Variants in C9orf85 observed in about 807,000 individuals in gnomAD.
The protein encoded by C9orf85 is uncharacterized protein C9orf85.
Under a neutral mutation model 14.9 loss-of-function variants are expected in C9orf85, and 16 were observed. That is an observed-to-expected ratio of 1.08 (90% confidence interval 0.73 to 1.63). The LOEUF (loss-of-function observed/expected upper bound fraction) is 1.63, where lower values mean the gene tolerates loss of function less well. Among genes scored for constraint, C9orf85 ranks in the 40% most tolerant of loss-of-function variants. C9orf85 has a pLI of 0.00. For synonymous variants in C9orf85, 45 were observed against 56.8 expected, an observed-to-expected ratio of 0.79 and a Z score of 0.93; for missense variants, 172 against 186.1, an observed-to-expected ratio of 0.92 and a Z score of 0.44.
downstream of C9orf85, chr9:71,985,066 G>A (rs1032534828): frequency 1.4e-4 from 22 of 152,210 alleles, no homozygotes; most frequent in African/African-American, 5.1e-4. Flanking sequence ...TCAAGTACTG[G>A]TCCTCGTGTA....
intron 1 of C9orf85, among the ~76,000 whole-genome samples, chr9:71,926,574 A>G (rs1827933601): frequency 6.6e-6 from 1 of 151,878 alleles, no homozygotes; most frequent in African/African-American, 2.4e-5. Flanking sequence ...AGTATCCTAA[A>G]TTATATCCTT....
intron 3 of C9orf85, among the ~76,000 whole-genome samples, chr9:71,980,068 C>T (rs1258704437): frequency 1.4e-5 from 2 of 146,356 alleles, no homozygotes; most frequent in Non-Finnish European, 3.0e-5. Flanking sequence ...GGCTAGAGTG[C>T]AGTGGCACAA....
In C9orf85 at chr9:71,973,179, G is replaced by A. The variant is rs80083119; in HGVS notation, c.*337G>A. On this transcript the variant is annotated 3_prime_UTR_variant, in exon 4 of 4. Coordinates refer to ENST00000334731, the MANE Select transcript of C9orf85 (RefSeq NM_182505.5). ...AAAATAAAAAGTCAATTTAGAATGT[G>A]AAATTCTGACCACCTTTTGGCTTTG... 1,425 of 153,598 alleles carry A rather than the reference G, an allele frequency of 9.3e-3. 23 individuals carry two copies. The highest frequency in any genetic ancestry group is 0.032 in the African/African-American group (1,348 of 41,584). 9.5% of individuals were successfully genotyped at this position (153,598 alleles called of 1,614,324 possible).
intron 1 of C9orf85, among the ~76,000 whole-genome samples, chr9:71,932,692 C>G (rs1346331593): frequency 2.0e-5 from 3 of 151,910 alleles, no homozygotes; most frequent in Non-Finnish European, 4.4e-5. Flanking sequence ...TTATTTGATT[C>G]AAATGTTCGG....
chr9:71,964,474 G>A (rs1822629714), intron 2 of C9orf85, among the ~76,000 whole-genome samples: 2 of 152,030 alleles, frequency 1.3e-5, no homozygotes, highest in South Asian at 2.1e-4. Context: ...AAGCCAGCGA[G>A]ACCACAAGCC....
intron 3 of C9orf85, among the ~76,000 whole-genome samples, chr9:71,978,656 G>T (rs1288330444): frequency 3.9e-5 from 6 of 152,118 alleles, no homozygotes; most frequent in African/African-American, 1.4e-4. Flanking sequence ...GTATAAGAGG[G>T]GAACTTCTGG....
At chr9:71,911,901 G>A (rs556992028) in intron 1 of C9orf85, 65 bp downstream of exon 1, 2 of 1,400,764 alleles carry the variant, frequency 1.4e-6, no homozygotes, top group Admixed American at 3.4e-5. Context: ...AGAGGGGAGA[G>A]AGGAAATGAG....
At chr9:71,977,771 G>T (rs1235608553), downstream of C9orf85, among the ~76,000 whole-genome samples, 8 of 152,018 alleles carry the variant, frequency 5.3e-5, no homozygotes, top group Non-Finnish European at 1.0e-4. Flanking sequence ...GTATTGTTCA[G>T]ATTTGTCAGC....
chr9:71,953,220 T>C (rs1014294718), intron 2 of C9orf85, among the ~76,000 whole-genome samples: 12 of 152,152 alleles, frequency 7.9e-5, no homozygotes, highest in Non-Finnish European at 1.5e-4. Context: ...ACCGAATAGA[T>C]AGATACTCAC....
At chr9:71,918,936 C>G (rs1433211389) in intron 1 of C9orf85, among the ~76,000 whole-genome samples, 1 of 151,692 alleles carries the variant, frequency 6.6e-6, no homozygotes, top group African/African-American at 2.4e-5. Context: ...CACCCCCACC[C>G]TAGTCCATGA....
intron 1 of C9orf85, among the ~76,000 whole-genome samples, chr9:71,917,263 C>T (rs1170529129): frequency 1.3e-5 from 2 of 152,200 alleles, no homozygotes; most frequent in Non-Finnish European, 2.9e-5. Flanking sequence ...TTGAAATGTT[C>T]TAGGGAGAGT....
rs145876181 is a variant in C9orf85 at position 71,942,937 on chromosome 9, G to A, written c.103-4069G>A. 4.9e-3 allele frequency among the ~76,000 whole-genome samples: 744 copies of A among 150,476 alleles called. 9 individuals carry two copies. Among genetic ancestry groups the A allele is most frequent in the East Asian group, 0.041 (210 of 5,144 alleles). On this transcript the variant is annotated intron_variant, in intron 1 of 3. Coordinates refer to ENST00000334731, the MANE Select transcript of C9orf85 (RefSeq NM_182505.5). ...AAAAAAAGGAAGCAGCAGCCTAAAA[G>A]TCAGATTTTCACATTATTGTTATTA... is the stretch of plus-strand genomic sequence containing the variant.
intron 2 of C9orf85, among the ~76,000 whole-genome samples, chr9:71,968,521 ATTCT>A (rs1177182443): frequency 1.3e-5 from 2 of 151,790 alleles, no homozygotes; most frequent in South Asian, 2.1e-4. Flanking sequence ...GAGTTTTGAT[ATTCT>A]TTCTTTGCAA....
chr9:71,926,503 T>C (rs1479805083), intron 1 of C9orf85, among the ~76,000 whole-genome samples: 1 of 152,006 alleles, frequency 6.6e-6, no homozygotes, highest in Non-Finnish European at 1.5e-5. Flanking sequence ...AACCCTCCCA[T>C]GCCCAGTTAA....
At chr9:71,953,064 TC>T (rs977502371) in intron 2 of C9orf85, among the ~76,000 whole-genome samples, 28 of 151,994 alleles carry the variant, frequency 1.8e-4, no homozygotes, top group African/African-American at 6.8e-4. Context: ...ATGGAGTTTG[TC>T]CCCAGGAAGG....
At chr9:71,956,242 G>GTTTTTTTTTTTTTTTTTTTTT in intron 2 of C9orf85, among the ~76,000 whole-genome samples, 1 of 51,012 alleles carries the variant, frequency 2.0e-5, no homozygotes, top group Non-Finnish European at 3.7e-5. Context: ...GAATGCAAAA[G>GTTTTTTTTTTTTTTTTTTTTT]TTTTTTTTTT....
At chr9:71,920,081 C>T (rs1465553904) in intron 1 of C9orf85, among the ~76,000 whole-genome samples, 4 of 152,080 alleles carry the variant, frequency 2.6e-5, no homozygotes, top group Non-Finnish European at 1.5e-5. Context: ...GATCTCTTGA[C>T]CTCGTGATCT....
At chr9:71,970,608 G>A (rs140698603) in intron 2 of C9orf85, among the ~76,000 whole-genome samples, 39 of 152,244 alleles carry the variant, frequency 2.6e-4, no homozygotes, top group Non-Finnish European at 4.6e-4. Context: ...CTGTAGGTTT[G>A]TAGTGTGTTT....
chr9:71,943,535 T>TTTTTTTG (rs570534477), intron 1 of C9orf85, among the ~76,000 whole-genome samples: 2 of 152,062 alleles, frequency 1.3e-5, no homozygotes, highest in East Asian at 1.9e-4. Flanking sequence ...CCCAGCTTCT[T>TTTTTTTG]TTTTTTGTTT....
Sources: gnomAD v4.1 joint callset for allele counts (sites outside exome capture counted in the v4.1 genomes callset) on GRCh38, gnomAD v4.1.1 for gene constraint, MANE v1.5 for transcripts, NCBI Gene and HGNC (gene_info 2026-07-23, HGNC 2026-07-21) for gene names.